The following MAMDC2 variants were observed in gnomAD, a reference collection of about 807,000 sequenced individuals.
MAMDC2 encodes MAM domain-containing protein 2.
A neutral mutation model predicts 89.8 loss-of-function variants in MAMDC2; 57 were observed. That is an observed-to-expected ratio of 0.63 (90% CI 0.51 to 0.79). MAMDC2 has a LOEUF of 0.79. MAMDC2 is among the 30% of genes least tolerant of loss of function. The pLI, the probability that MAMDC2 is intolerant of heterozygous loss-of-function variation, is 0.00. For synonymous variants in MAMDC2, 313 were observed against 293.4 expected (o/e 1.07, Z -0.68); for missense variants, 800 against 820.6 (o/e 0.97, Z 0.31).
intron 2 of MAMDC2, among the ~76,000 whole-genome samples, chr9:70,070,232 G>A (rs1202639130): frequency 6.6e-6 from 1 of 152,156 alleles, no homozygotes; most frequent in African/African-American, 2.4e-5. Context: ...TTATCCTATG[G>A]AAGACTGGTC....
chr9:70,137,199 ACT>A (rs1363749726), intron 7 of MAMDC2, among the ~76,000 whole-genome samples: 6 of 152,188 alleles, frequency 3.9e-5, no homozygotes, highest in Non-Finnish European at 7.4e-5. Context: ...ATCATTTCAA[ACT>A]CAGACAAAAT....
intron 2 of MAMDC2, among the ~76,000 whole-genome samples, chr9:70,064,225 A>G (rs1024940673): frequency 6.6e-6 from 1 of 152,004 alleles, no homozygotes; most frequent in East Asian, 1.9e-4. Context: ...TTACATGAGT[A>G]GGTTCTTTGG....
intron 11 of MAMDC2, among the ~76,000 whole-genome samples, chr9:70,197,844 G>C (rs1587561864): frequency 6.6e-6 from 1 of 152,210 alleles, no homozygotes; most frequent in Non-Finnish European, 1.5e-5. Context: ...ACCCAAATCA[G>C]ATGCTGCTCC....
At position 70,179,992 on chromosome 9, in the gene MAMDC2, C is replaced by A. The variant is rs1350132999; in HGVS notation, c.1651+9361C>A. 2.0e-5 allele frequency among the ~76,000 whole-genome samples: 3 copies of A among 151,026 alleles called. 1 individual carries two copies. The highest frequency in any genetic ancestry group is 7.3e-5 in the African/African-American group (3 of 41,092). On this transcript the variant is annotated intron_variant, in intron 11 of 13. Coordinates refer to ENST00000377182, the MANE Select transcript of MAMDC2 (RefSeq NM_153267.5). The stretch of plus-strand genomic sequence containing the variant: ...ATCATCCCAACATCTAGGTTTTAAG[C>A]CCTGCATGCATTAGATATTTGTCCC...
intron 2 of MAMDC2, among the ~76,000 whole-genome samples, chr9:70,076,608 G>A (rs1367109716): frequency 6.6e-6 from 1 of 152,138 alleles, no homozygotes; most frequent in Non-Finnish European, 1.5e-5. Context: ...TGGAAAACAT[G>A]CTGCCTCAGT....
chr9:70,213,772 A>C (rs548982102), intron 11 of MAMDC2, among the ~76,000 whole-genome samples: 1 of 152,358 alleles, frequency 6.6e-6, no homozygotes, highest in East Asian at 1.9e-4. Flanking sequence ...TTATGTGTTC[A>C]TCTAAAAAAT....
intron 11 of MAMDC2, among the ~76,000 whole-genome samples, chr9:70,196,603 T>C (rs557829609): frequency 1.3e-5 from 2 of 152,114 alleles, no homozygotes; most frequent in Non-Finnish European, 2.9e-5. Context: ...CTGAAGAGGT[T>C]GCATCTGCTA....
intron 2 of MAMDC2, among the ~76,000 whole-genome samples, chr9:70,049,165 T>C (rs773274133): frequency 6.6e-4 from 101 of 151,924 alleles, no homozygotes; most frequent in Non-Finnish European, 1.3e-3. Flanking sequence ...GAGTGAGTGA[T>C]AGCATCTGAG....
intron 11 of MAMDC2, among the ~76,000 whole-genome samples, chr9:70,200,422 G>A (rs2033077209): frequency 6.7e-6 from 1 of 149,182 alleles, no homozygotes; most frequent in Non-Finnish European, 1.5e-5. Flanking sequence ...TCTCTGTTTT[G>A]GTACCAGTAC....
intron 6 of MAMDC2, 113 bp downstream of exon 6, chr9:70,126,528 G>T: frequency 8.9e-7 from 1 of 1,125,020 alleles, no homozygotes; most frequent in Non-Finnish European, 1.3e-6. Context: ...TGTCTTTTCT[G>T]CTGTGCCTCA....
intron 2 of MAMDC2, among the ~76,000 whole-genome samples, chr9:70,051,202 G>A (rs866953310): frequency 6.6e-6 from 1 of 152,140 alleles, no homozygotes; most frequent in African/African-American, 2.4e-5. Context: ...TGCCTGCTAA[G>A]CCTCTACTGG....
intron 4 of MAMDC2, among the ~76,000 whole-genome samples, chr9:70,111,255 A>G (rs898360114): frequency 1.5e-4 from 23 of 151,540 alleles, no homozygotes; most frequent in African/African-American, 5.6e-4. Flanking sequence ...TAGGATTCTT[A>G]GGAGGAGGAA....
At chr9:70,085,915 A>T (rs1827761145) in intron 2 of MAMDC2, 1 of 152,120 alleles carries the variant, frequency 6.6e-6, no homozygotes, top group African/African-American at 2.4e-5. Flanking sequence ...AGTTATACAG[A>T]GACTATAAGG....
intron 2 of MAMDC2, among the ~76,000 whole-genome samples, chr9:70,068,841 AAG>A (rs1370929691): frequency 6.6e-6 from 1 of 152,124 alleles, no homozygotes; most frequent in African/African-American, 2.4e-5. Flanking sequence ...CAAAGAACGG[AAG>A]AGTTTTATTA....
intron 11 of MAMDC2, among the ~76,000 whole-genome samples, chr9:70,210,065 A>T (rs1479682148): frequency 6.6e-6 from 1 of 152,176 alleles, no homozygotes; most frequent in Non-Finnish European, 1.5e-5. Flanking sequence ...CTATGTGGTC[A>T]ATTTTGGAAT....
At chr9:70,077,640 G>A (rs1011349960) in intron 2 of MAMDC2, among the ~76,000 whole-genome samples, 6 of 152,202 alleles carry the variant, frequency 3.9e-5, no homozygotes, top group African/African-American at 1.4e-4. Flanking sequence ...CTACCTTCAT[G>A]AGAAATTGAG....
At chr9:70,195,991 G>T (rs947491437) in intron 11 of MAMDC2, among the ~76,000 whole-genome samples, 4 of 152,106 alleles carry the variant, frequency 2.6e-5, no homozygotes, top group African/African-American at 9.7e-5. Flanking sequence ...GAGGTTTAAT[G>T]GACTCACAGT....
chr9:70,072,178 C>T (rs1352277608), intron 2 of MAMDC2, among the ~76,000 whole-genome samples: 2 of 152,158 alleles, frequency 1.3e-5, no homozygotes, highest in African/African-American at 2.4e-5. Flanking sequence ...TACTGACCCT[C>T]ACCTAGTTTA....
chr9:70,210,727 G>C (rs1259263862), intron 11 of MAMDC2, among the ~76,000 whole-genome samples: 1 of 152,152 alleles, frequency 6.6e-6, no homozygotes, highest in African/African-American at 2.4e-5. Flanking sequence ...TCCTAGCATT[G>C]ATGGTCTTTA....
Sources: allele counts gnomAD v4.1 joint callset (sites outside exome capture counted in the v4.1 genomes callset), GRCh38; gene constraint gnomAD v4.1.1; transcripts MANE v1.5; gene names NCBI Gene and HGNC (gene_info 2026-07-23, HGNC 2026-07-21).